Variants in AIG1 observed in about 807,000 individuals in gnomAD.
AIG1 encodes androgen induced 1, also known as androgen-induced gene 1 protein.
A neutral mutation model predicts 31.4 loss-of-function variants in AIG1; 23 were observed. The ratio of observed to expected loss-of-function variants is 0.73; its 90% CI spans 0.53 to 1.04. AIG1 has a LOEUF of 1.04. AIG1 is among the 50% of genes least tolerant of loss of function. AIG1 has a pLI of 0.00. For missense variants in AIG1, 274 were observed against 295.0 expected (o/e 0.93, Z 0.52); for synonymous variants, 100 against 110.5 (o/e 0.90, Z 0.60).
At chr6:143,147,484 A>C (rs948711063) in intron 2 of AIG1, among the ~76,000 whole-genome samples, 1 of 152,142 alleles carries the variant, frequency 6.6e-6, no homozygotes, top group Non-Finnish European at 1.5e-5. Context: ...CTGCATTGAT[A>C]CACGCACACA....
At chr6:143,125,397 T>C (rs1032485188) in intron 1 of AIG1, among the ~76,000 whole-genome samples, 2 of 152,246 alleles carry the variant, frequency 1.3e-5, no homozygotes, top group Non-Finnish European at 2.9e-5. Context: ...AGTAGTTTAC[T>C]AAGTGCTTTG....
intron 4 of AIG1, among the ~76,000 whole-genome samples, chr6:143,317,467 T>C (rs536961487): frequency 2.0e-4 from 31 of 151,998 alleles, no homozygotes; most frequent in Non-Finnish European, 4.1e-4. Context: ...CCTTTATTAT[T>C]AAAACCCTCA....
Position 143,263,380 on chromosome 6 carries a change from A to T in AIG1, c.400-20730A>T, listed in dbSNP as rs1322836153. ...TGCCGATTTGCCCTTTCTCCTGCTCATCTGCTCAGCTTATTATAAGCCCTG... is the reference window on the plus strand; with the variant it reads ...TGCCGATTTGCCCTTTCTCCTGCTCTTCTGCTCAGCTTATTATAAGCCCTG... On this transcript the variant is annotated intron_variant, in intron 3 of 5. Transcript: ENST00000357847. Among the ~76,000 whole-genome samples the T allele has an allele frequency of 3.3e-5, 5 of 150,792 alleles. No homozygotes were observed. In the East Asian group the frequency reaches 9.7e-4, roughly 29 times the overall value.
At chr6:143,219,513 G>A (rs1290045091) in intron 3 of AIG1, among the ~76,000 whole-genome samples, 1 of 152,084 alleles carries the variant, frequency 6.6e-6, no homozygotes, top group Non-Finnish European at 1.5e-5. Flanking sequence ...GGAGTCAATT[G>A]GTGATTTTCA....
At chr6:143,307,039 C>T (rs377040353) in intron 4 of AIG1, among the ~76,000 whole-genome samples, 12,270 of 152,124 alleles carry the variant, frequency 0.081, 887 homozygotes, top group Admixed American at 0.24. Flanking sequence ...CGAGCCTTGG[C>T]TTTCAGCTCC....
intron 1 of AIG1, among the ~76,000 whole-genome samples, chr6:143,064,819 G>T (rs1462925280): frequency 6.6e-6 from 1 of 152,238 alleles, no homozygotes; most frequent in Admixed American, 6.5e-5. Context: ...TGTCAAGCGT[G>T]TCTGTGTGAA....
At chr6:143,229,848 G>T (rs1793311922) in intron 3 of AIG1, among the ~76,000 whole-genome samples, 1 of 150,118 alleles carries the variant, frequency 6.7e-6, no homozygotes, top group African/African-American at 2.5e-5. Flanking sequence ...GGGTTTCTGT[G>T]GTACTATTTC....
At chr6:143,243,382 C>G (rs1384532354) in intron 3 of AIG1, among the ~76,000 whole-genome samples, 1 of 152,138 alleles carries the variant, frequency 6.6e-6, no homozygotes, top group African/African-American at 2.4e-5. Flanking sequence ...GAAAATAACA[C>G]TAATAGAAGT....
chr6:143,266,892 G>A (rs1796196676), intron 3 of AIG1, among the ~76,000 whole-genome samples: 1 of 152,166 alleles, frequency 6.6e-6, no homozygotes, highest in South Asian at 2.1e-4. Flanking sequence ...TGTGAACTAT[G>A]ATCACACCAT....
rs1017727516 is a variant in AIG1, at chr6:143,069,985, A to G, written c.141+8919A>G. On this transcript the variant is annotated intron_variant, in intron 1 of 5. Transcript: ENST00000357847. ...ACGTTTGCACCTTTGTCAAAAATCA[A>G]TTGACTACATTTGTGTGTCTGTTTC... 3.3e-5 allele frequency among the ~76,000 whole-genome samples: 5 copies of G among 152,328 alleles called. No homozygotes were observed. The East Asian group carries it at 5.8e-4, about 18-fold the overall frequency.
chr6:143,137,279 G>C (rs755534948), intron 2 of AIG1, among the ~76,000 whole-genome samples: 7 of 152,204 alleles, frequency 4.6e-5, no homozygotes, highest in Non-Finnish European at 1.0e-4. Flanking sequence ...TCATCCCTCT[G>C]TGCCTGTCTT....
chr6:143,169,981 G>C (rs1042476766), intron 3 of AIG1, among the ~76,000 whole-genome samples: 2 of 151,918 alleles, frequency 1.3e-5, no homozygotes, highest in Non-Finnish European at 2.9e-5. Flanking sequence ...TGTTGGATTT[G>C]GTTTGGTAGT....
chr6:143,213,336 G>A (rs775739730), intron 3 of AIG1, among the ~76,000 whole-genome samples: 8 of 151,886 alleles, frequency 5.3e-5, no homozygotes, highest in Non-Finnish European at 1.0e-4. Flanking sequence ...TCTTACCATC[G>A]TTGAAGTGAG....
In AIG1 at chr6:143,298,578, A is replaced by C. The variant is rs2128695070; in HGVS notation, c.515+14353A>C. Among the ~76,000 whole-genome samples, 1 of 152,298 alleles carries C rather than the reference A, an allele frequency of 6.6e-6. No individual in the cohort carries two copies. Among genetic ancestry groups the C allele is most frequent in the Middle Eastern group, 3.4e-3 (1 of 294 alleles). ...TGTGGTGGCTCATGTCTGTAACCCT[A>C]GTCAGGAGGCTCACCTAGGCCCAGG... is the stretch of plus-strand genomic sequence containing the variant. On this transcript the variant is annotated intron_variant, in intron 4 of 5. Coordinates refer to ENST00000357847, the MANE Select transcript of AIG1 (RefSeq NM_016108.4). This position sits in a 1 kb window ranked among gnomAD's most constrained non-coding sequence, Gnocchi z 5.1.
chr6:143,187,317 A>G (rs959091672), intron 3 of AIG1: 13 of 1,305,600 alleles, frequency 1.0e-5, no homozygotes, highest in Non-Finnish European at 1.4e-5. Context: ...ACATATGGCA[A>G]ATATGAACTA....
At chr6:143,137,158 G>T (rs983111806) in intron 2 of AIG1, among the ~76,000 whole-genome samples, 168 bp downstream of exon 2, 1 of 152,272 alleles carries the variant, frequency 6.6e-6, no homozygotes, top group Middle Eastern at 3.4e-3. Flanking sequence ...TTATTTTCTC[G>T]TAGTTCTGGA....
chr6:143,065,111 G>C (rs552782385), intron 1 of AIG1, among the ~76,000 whole-genome samples: 43 of 152,294 alleles, frequency 2.8e-4, no homozygotes, highest in Non-Finnish European at 2.9e-5. Flanking sequence ...AAGTCACAAC[G>C]GTGGAATGTT....
intron 3 of AIG1, among the ~76,000 whole-genome samples, chr6:143,260,871 A>G (rs1795725027): frequency 6.6e-6 from 1 of 152,200 alleles, no homozygotes; most frequent in African/African-American, 2.4e-5. Flanking sequence ...TTCATTGAAC[A>G]GTATATTTTG....
At chr6:143,182,436 G>C (rs1324499085) in intron 3 of AIG1, among the ~76,000 whole-genome samples, 1 of 152,030 alleles carries the variant, frequency 6.6e-6, no homozygotes, top group Non-Finnish European at 1.5e-5. Context: ...GCCTCCTTCT[G>C]GTTCCTTGAG....
Sources: gnomAD v4.1 joint callset for allele counts (sites outside exome capture counted in the v4.1 genomes callset) on GRCh38, gnomAD v4.1.1 for gene constraint, Gnocchi (gnomAD v3.1) non-coding constraint, MANE v1.5 for transcripts, NCBI Gene and HGNC (gene_info 2026-07-23, HGNC 2026-07-21) for gene names.